RARB: variants seen among roughly 807,000 people sequenced by gnomAD.
RARB encodes the protein HBV-activated protein.
In RARB, 17 loss-of-function variants were observed where a neutral mutation model predicts 51.9. The observed-to-expected ratio is 0.33, with a 90% confidence interval of 0.22 to 0.49. The LOEUF (loss-of-function observed/expected upper bound fraction) is 0.49. Among genes scored for constraint, RARB ranks in the 20% least tolerant of loss-of-function variants. The pLI, the probability that RARB is intolerant of heterozygous loss-of-function variation, is 0.99. For synonymous variants in RARB, 215 were observed against 195.4 expected, an observed-to-expected ratio of 1.10 and a Z score of -0.84; for missense variants, 369 against 550.8, an observed-to-expected ratio of 0.67 and a Z score of 3.30.
intron 5 of RARB, among the ~76,000 whole-genome samples, chr3:25,330,765 A>T (rs1191390081): frequency 6.6e-6 from 1 of 152,186 alleles, no homozygotes; most frequent in Non-Finnish European, 1.5e-5. Flanking sequence ...TATTCAGGAG[A>T]CCCATCTCAC....
At chr3:24,993,532 G>A (rs950926408) in intron 2 of RARB, among the ~76,000 whole-genome samples, 7 of 151,960 alleles carry the variant, frequency 4.6e-5, no homozygotes, top group Admixed American at 3.3e-4. Context: ...GGGAACATTC[G>A]ATATTCTCCT....
intron 5 of RARB, among the ~76,000 whole-genome samples, chr3:25,344,828 G>A (rs1337691169): frequency 2.0e-5 from 3 of 152,096 alleles, no homozygotes; most frequent in Non-Finnish European, 4.4e-5. Context: ...ATCCCAGCAT[G>A]TTTTTCTTGT....
intron 4 of RARB, among the ~76,000 whole-genome samples, chr3:25,162,208 A>G (rs1272576264): frequency 2.6e-5 from 4 of 152,102 alleles, no homozygotes; most frequent in Admixed American, 2.0e-4. Context: ...GGGTCAATCA[A>G]TCTTCCCCCA....
At chr3:25,510,976 T>TATTTTAGC (rs1233453184) in intron 3 of RARB, among the ~76,000 whole-genome samples, 1 of 152,206 alleles carries the variant, frequency 6.6e-6, no homozygotes, top group Admixed American at 6.5e-5. Flanking sequence ...AGGCAGTAAA[T>TATTTTAGC]ATTTTAGCAT....
chr3:24,930,682 T>C (rs1003918165), intron 2 of RARB, among the ~76,000 whole-genome samples: 8 of 152,066 alleles, frequency 5.3e-5, no homozygotes, highest in Admixed American at 2.0e-4. Flanking sequence ...TTAATCCTTA[T>C]AGCAACACTG....
intron 2 of RARB, among the ~76,000 whole-genome samples, chr3:24,908,799 T>C (rs936909532): frequency 2.0e-5 from 3 of 151,936 alleles, no homozygotes; most frequent in Non-Finnish European, 2.9e-5. Context: ...CTATAAACCA[T>C]TGACATGAAC....
At position 24,863,487 on chromosome 3, in the gene RARB, T is replaced by C. The variant is rs116619985; in HGVS notation, c.-380+4735T>C. Among the ~76,000 whole-genome samples, 1,308 of 152,270 alleles carry C rather than the reference T, an allele frequency of 8.6e-3. 32 individuals are homozygous for C. The highest frequency in any genetic ancestry group is 0.029 in the African/African-American group (1,206 of 41,568). ...CCTTTGGAGTGTAATATCATTTGCC[T>C]GCCAGTTAAAATGAACACTTCTCTG... On this transcript the variant is annotated intron_variant, in intron 2 of 11. Coordinates refer to the RARB transcript ENST00000383772.
intron 2 of RARB, among the ~76,000 whole-genome samples, chr3:25,047,444 AGAAAC>A (rs1232798414): frequency 6.6e-6 from 1 of 152,200 alleles, no homozygotes; most frequent in African/African-American, 2.4e-5. Flanking sequence ...TTTATGTAAA[AGAAAC>A]CTGTGAAAAA....
At chr3:25,522,366 G>A (rs1199978920) in intron 3 of RARB, among the ~76,000 whole-genome samples, 3 of 152,112 alleles carry the variant, frequency 2.0e-5, no homozygotes, top group African/African-American at 4.8e-5. Context: ...GGCGGGGCAC[G>A]TTTTACGAGT....
chr3:25,481,908 A>G (rs907436319), intron 2 of RARB, among the ~76,000 whole-genome samples: 1 of 152,218 alleles, frequency 6.6e-6, no homozygotes, highest in Non-Finnish European at 1.5e-5. Flanking sequence ...TTTAATATTC[A>G]TAACAATCCC....
chr3:25,211,396 G>C (rs1247935673), intron 5 of RARB, among the ~76,000 whole-genome samples: 1 of 152,058 alleles, frequency 6.6e-6, no homozygotes. Flanking sequence ...ATATATTACT[G>C]CAGTCATTAA....
intron 4 of RARB, among the ~76,000 whole-genome samples, chr3:25,133,212 T>C (rs1699979938): frequency 6.6e-6 from 1 of 152,028 alleles, no homozygotes. Flanking sequence ...CTTAAACATT[T>C]AACTTGAACG....
chr3:25,344,343 C>T (rs760979157), intron 5 of RARB, among the ~76,000 whole-genome samples: 36 of 152,102 alleles, frequency 2.4e-4, no homozygotes, highest in Non-Finnish European at 4.1e-4. Context: ...GGCAAGTTTT[C>T]ATACTAACAA....
rs1329554534 is a variant in RARB at position 25,172,897 on chromosome 3, GA to G, written c.-279-1213del. Reference sequence around the variant, plus strand: ...AAATTCTATTATTCTTATTTTACAGGAAAAAAAAATAACATTGAAAGGACAA... The same window carrying G: ...AAATTCTATTATTCTTATTTTACAGGAAAAAAAATAACATTGAAAGGACAA... On this transcript the variant is annotated intron_variant, in intron 4 of 11. Transcript: ENST00000383772. 4.5e-3 allele frequency among the ~76,000 whole-genome samples: 673 copies of G among 150,798 alleles called. 6 individuals are homozygous for G. The highest frequency in any genetic ancestry group is 0.016 in the African/African-American group (651 of 41,126).
intron 2 of RARB, among the ~76,000 whole-genome samples, chr3:24,995,804 A>C (rs1032689345): frequency 2.0e-5 from 3 of 152,122 alleles, no homozygotes; most frequent in African/African-American, 7.2e-5. Flanking sequence ...TATCCCTGGG[A>C]TAAATCCTAC....
intron 3 of RARB, among the ~76,000 whole-genome samples, chr3:25,525,561 A>G (rs1351254672): frequency 6.6e-6 from 1 of 152,162 alleles, no homozygotes; most frequent in Non-Finnish European, 1.5e-5. Context: ...TAGACTTTCA[A>G]CAACCAGTAT....
intron 5 of RARB, among the ~76,000 whole-genome samples, chr3:25,249,509 G>T (rs1165285594): frequency 5.3e-5 from 8 of 151,704 alleles, no homozygotes; most frequent in Non-Finnish European, 1.2e-4. Context: ...TGCTTTTTTT[G>T]TTTCTTGTGT....
intron 3 of RARB, among the ~76,000 whole-genome samples, chr3:25,069,637 C>A (rs17015753): frequency 0.12 from 18,243 of 152,138 alleles, 1,193 homozygotes; most frequent in Middle Eastern, 0.15. Flanking sequence ...GAGGGAACTG[C>A]ACCGTAGCTC....
chr3:25,591,249 A>C (rs1449663311), intron 5 of RARB, among the ~76,000 whole-genome samples: 2 of 152,234 alleles, frequency 1.3e-5, no homozygotes, highest in African/African-American at 2.4e-5. Flanking sequence ...AAGAAGTTTG[A>C]GGACATGTCC....
Sources: allele counts gnomAD v4.1 joint callset (sites outside exome capture counted in the v4.1 genomes callset), GRCh38; gene constraint gnomAD v4.1.1; transcripts MANE v1.5; gene names NCBI Gene and HGNC (gene_info 2026-07-23, HGNC 2026-07-21).